The following HOXA3 variants were observed in gnomAD, a reference collection of about 807,000 sequenced individuals.
HOXA3 encodes the protein homeobox A3.
HOXA3 carries 8 observed loss-of-function variants against 30.3 expected under a neutral mutation model. The observed-to-expected ratio is 0.26, with a 90% CI of 0.15 to 0.48. The LOEUF (loss-of-function observed/expected upper bound fraction) is 0.48, where lower values mean the gene tolerates loss of function less well. Among genes scored for constraint, HOXA3 ranks in the 20% least tolerant of loss-of-function variants. The pLI, the probability that HOXA3 is intolerant of heterozygous loss-of-function variation, is 0.99. For missense variants in HOXA3, 653 were observed against 614.4 expected (o/e 1.06, Z -0.66); for synonymous variants, 323 against 273.1 (o/e 1.18, Z -1.80).
chr7:27,143,389 G>C, intron 1 of HOXA3: 1 of 1,602,650 alleles, frequency 6.2e-7, no homozygotes. Flanking sequence ...CGCTGGCAGC[G>C]TAGCTGCGGG....
At chr7:27,149,564 C>T (rs888307447) in intron 1 of HOXA3, among the ~76,000 whole-genome samples, 2 of 152,270 alleles carry the variant, frequency 1.3e-5, no homozygotes, top group Admixed American at 1.3e-4. Flanking sequence ...AAGGCGGCTG[C>T]TAGCCCGGCA....
chr7:27,118,412 A>T (rs892872702), intron 4 of HOXA3, among the ~76,000 whole-genome samples: 5 of 152,258 alleles, frequency 3.3e-5, no homozygotes, highest in African/African-American at 1.2e-4. Flanking sequence ...TCACGTGGTC[A>T]TACGTCAACT....
intron 1 of HOXA3, among the ~76,000 whole-genome samples, chr7:27,146,562 C>T (rs964439650): frequency 1.3e-5 from 2 of 152,034 alleles, no homozygotes; most frequent in Non-Finnish European, 2.9e-5. Context: ...TTTGGGATTC[C>T]CTGTGGAGTC....
At chr7:27,110,906 T>G in intron 4 of HOXA3, 146 bp from the exon 5 acceptor site, 1 of 455,144 alleles carries the variant, frequency 2.2e-6, no homozygotes, top group South Asian at 3.9e-5. Context: ...GGAGCCGTGC[T>G]ATAAAAAACC....
At chr7:27,124,089 G>T (rs17437265) in intron 3 of HOXA3, 4,807 of 152,282 alleles carry the variant, frequency 0.032, 98 homozygotes, top group Non-Finnish European at 0.046. Context: ...TATTATTTTT[G>T]CTGTTTCCTT....
chr7:27,108,509 G>A lies in HOXA3; in HGVS notation c.738C>T (p.Tyr246=), dbSNP rs1784162048. ...KIWFQNRRMK[Y]KKDQKGKGML... is the part of the protein sequence containing the mutation. ...TGCCCTTGCCCTTCTGATCCTTTTT[G>A]TACTTCATGCGGCGATTCTGGAACC... The change falls in exon 6 of 6, where the codon TAC becomes TAT. Residue 246 remains tyrosine, a synonymous_variant. Transcript: ENST00000612286. The surrounding 1 kb of genome is among the most constrained non-coding windows in gnomAD (Gnocchi z 5.0). 1 of 1,614,000 alleles carries A rather than the reference G, an allele frequency of 6.2e-7. No homozygotes were observed. The highest frequency in any genetic ancestry group is 1.1e-5 in the South Asian group (1 of 91,090).
At chr7:27,122,246 G>A (rs2128049867) in intron 4 of HOXA3, 1 of 152,384 alleles carries the variant, frequency 6.6e-6, no homozygotes, top group South Asian at 2.1e-4. Context: ...CTGAAGTTCA[G>A]TGTAGTGGTT....
At chr7:27,117,837 G>A (rs1193626135) in intron 4 of HOXA3, among the ~76,000 whole-genome samples, 3 of 143,544 alleles carry the variant, frequency 2.1e-5, no homozygotes, top group Non-Finnish European at 3.0e-5. Flanking sequence ...CCCTCTTTCC[G>A]CCTGGGGATC....
At chr7:27,133,043 G>GT (rs1291190038) in intron 2 of HOXA3, among the ~76,000 whole-genome samples, 2 of 152,176 alleles carry the variant, frequency 1.3e-5, no homozygotes, top group African/African-American at 4.8e-5. Context: ...CTGTGCCTGT[G>GT]TTTTGTGTGA....
chr7:27,146,247 GTGTT>G (rs1272225708), intron 1 of HOXA3, among the ~76,000 whole-genome samples: 2 of 81,164 alleles, frequency 2.5e-5, no homozygotes, highest in Non-Finnish European at 5.3e-5. Flanking sequence ...GTGTGTGTGT[GTGTT>G]TGTGTGTGTG....
chr7:27,130,757 T>G (rs763362706), intron 2 of HOXA3: 1 of 1,593,928 alleles, frequency 6.3e-7, no homozygotes, highest in Non-Finnish European at 8.6e-7. Context: ...GCAAAAATAC[T>G]AATTTTTCTC....
chr7:27,110,814 T>G (rs2128040511), intron 4 of HOXA3, 54 bp from the exon 5 acceptor site: 2 of 859,222 alleles, frequency 2.3e-6, no homozygotes, highest in Non-Finnish European at 3.5e-6. Context: ...TCCATCTTAC[T>G]CTCAATAGCT....
intron 5 of HOXA3, among the ~76,000 whole-genome samples, chr7:27,109,734 A>G (rs1352366834): frequency 2.0e-5 from 3 of 152,228 alleles, no homozygotes; most frequent in Admixed American, 1.3e-4. Context: ...TTATTCTGCC[A>G]CATTTCAGTA....
At chr7:27,138,031 G>A (rs549499565) in intron 2 of HOXA3, among the ~76,000 whole-genome samples, 3 of 151,764 alleles carry the variant, frequency 2.0e-5, no homozygotes, top group Admixed American at 1.3e-4. Context: ...GAACCATAAC[G>A]CAATATTTTC....
rs1782832510 is a variant in HOXA3, at chr7:27,147,826, GGTTT to G, written c.-494+4458_-494+4461del. 3.7e-6 allele frequency: 5 copies of G among 1,337,020 alleles called. No individual in the cohort carries two copies. In the South Asian group the frequency reaches 7.2e-5, roughly 19 times the overall value. 82.8% of individuals were successfully genotyped at this position (1,337,020 alleles called of 1,614,324 possible). On this transcript the variant is annotated intron_variant, in intron 1 of 5. Coordinates refer to ENST00000612286, the MANE Select transcript of HOXA3 (RefSeq NM_153631.3). ...TATAACTATTAGTAGTCATCGAACT[GGTTT>G]GTTTCTGGATGGCCGAACGCCAAAA... is the stretch of plus-strand genomic sequence containing the variant.
At chr7:27,111,310 G>T (rs143007259) in intron 4 of HOXA3, among the ~76,000 whole-genome samples, 203 of 152,296 alleles carry the variant, frequency 1.3e-3, no homozygotes, top group African/African-American at 4.5e-3. Context: ...CTGCTCCCAA[G>T]AGAGGTTTGC....
At chr7:27,135,528 T>C (rs113577833) in intron 2 of HOXA3, among the ~76,000 whole-genome samples, 71 of 152,324 alleles carry the variant, frequency 4.7e-4, no homozygotes, top group South Asian at 1.4e-3. Context: ...ACGCTTTGCA[T>C]TCAGCGGACT....
rs186992279 is a variant in HOXA3 at position 27,135,104 on chromosome 7, C to T, written c.-390+4979G>A. 1.2e-3 allele frequency among the ~76,000 whole-genome samples: 189 copies of T among 152,030 alleles called. 1 individual carries two copies. Among genetic ancestry groups the T allele is most frequent in the Admixed American group, 4.3e-3 (66 of 15,248 alleles). Reference sequence around the variant, plus strand: ...CTCACACATGAGGCATGGTTCTAGTCGGCTTCCTTAATACACTATTCTCTT... The same window carrying T: ...CTCACACATGAGGCATGGTTCTAGTTGGCTTCCTTAATACACTATTCTCTT... On this transcript the variant is annotated intron_variant, in intron 2 of 5. Transcript: ENST00000612286.
chr7:27,136,461 G>C (rs1785718171), intron 2 of HOXA3, among the ~76,000 whole-genome samples: 3 of 152,218 alleles, frequency 2.0e-5, no homozygotes, highest in Admixed American at 1.3e-4. Flanking sequence ...GGGGAAAGCA[G>C]GCAATGGGAG....
Sources: gnomAD v4.1 joint callset for allele counts (sites outside exome capture counted in the v4.1 genomes callset) on GRCh38, gnomAD v4.1.1 for gene constraint, Gnocchi (gnomAD v3.1) non-coding constraint, MANE v1.5 for transcripts, NCBI Gene and HGNC (gene_info 2026-07-23, HGNC 2026-07-21) for gene names.